Variants in NELL1 observed in about 807,000 individuals in gnomAD.
The protein encoded by NELL1 is protein kinase C-binding protein NELL1.
A neutral mutation model predicts 107.4 loss-of-function variants in NELL1; 76 were observed. That is an observed-to-expected ratio of 0.71 (90% CI 0.59 to 0.86). NELL1 has a LOEUF of 0.86. NELL1 is among the 40% of genes least tolerant of loss of function. The pLI, the probability that NELL1 is intolerant of heterozygous loss-of-function variation, is 0.00. For missense variants in NELL1, 1,024 were observed against 1,005.5 expected (o/e 1.02, Z -0.25); for synonymous variants, 353 against 341.2 (o/e 1.03, Z -0.38).
chr11:21,107,215 A>G (rs750143927), intron 12 of NELL1, among the ~76,000 whole-genome samples: 1 of 152,110 alleles, frequency 6.6e-6, no homozygotes, highest in Non-Finnish European at 1.5e-5. Context: ...TTGGGTTTGG[A>G]CAAATATATA....
intron 9 of NELL1, among the ~76,000 whole-genome samples, chr11:20,931,695 A>C (rs1850622263): frequency 6.6e-6 from 1 of 152,180 alleles, no homozygotes; most frequent in African/African-American, 2.4e-5. Context: ...GGATCATTTA[A>C]TCCATTCACA....
At chr11:21,459,338 G>T (rs777075379) in intron 15 of NELL1, among the ~76,000 whole-genome samples, 5 of 122,844 alleles carry the variant, frequency 4.1e-5, no homozygotes, top group Non-Finnish European at 1.6e-5. Flanking sequence ...TTAATGAAAA[G>T]TTACAGTGTG....
At chr11:20,975,823 TTA>T (rs1310802117) in intron 12 of NELL1, among the ~76,000 whole-genome samples, 2 of 129,424 alleles carry the variant, frequency 1.5e-5, no homozygotes, top group Non-Finnish European at 3.1e-5. Context: ...TATATATGTA[TTA>T]TATATGTACA....
chr11:20,691,921 T>G (rs897297671), intron 2 of NELL1, among the ~76,000 whole-genome samples: 3 of 152,178 alleles, frequency 2.0e-5, no homozygotes, highest in Non-Finnish European at 4.4e-5. Flanking sequence ...TCCTGGACTC[T>G]TTTTGGTTGG....
intron 15 of NELL1, among the ~76,000 whole-genome samples, chr11:21,386,063 A>G (rs1430415524): frequency 1.3e-5 from 2 of 151,952 alleles, no homozygotes; most frequent in East Asian, 3.9e-4. Context: ...TTTCCTTCAT[A>G]AAATGTATTA....
chr11:21,107,186 T>A (rs1590642912), intron 12 of NELL1, among the ~76,000 whole-genome samples: 1 of 152,194 alleles, frequency 6.6e-6, no homozygotes, highest in East Asian at 1.9e-4. Flanking sequence ...TAGGGTTCAC[T>A]CGTGGTGTTG....
At chr11:21,571,722 C>G (rs553716739) in intron 18 of NELL1, among the ~76,000 whole-genome samples, 71 of 151,912 alleles carry the variant, frequency 4.7e-4, no homozygotes, top group African/African-American at 1.7e-3. Context: ...AATTTCTTGA[C>G]CTGGTTCTTT....
At chr11:21,067,603 C>T (rs1043765050) in intron 12 of NELL1, among the ~76,000 whole-genome samples, 5 of 152,078 alleles carry the variant, frequency 3.3e-5, no homozygotes, top group South Asian at 2.1e-4. Context: ...GATGTGTTAA[C>T]GAAGGAGTCT....
At chr11:20,921,848 A>G (rs978606774) in intron 7 of NELL1, among the ~76,000 whole-genome samples, 1 of 138,652 alleles carries the variant, frequency 7.2e-6, no homozygotes, top group Admixed American at 7.6e-5. Context: ...GCTTTTGGCT[A>G]TGAGCTGCTT....
At chr11:20,749,331 G>A (rs138317970) in intron 2 of NELL1, among the ~76,000 whole-genome samples, 238 of 152,232 alleles carry the variant, frequency 1.6e-3, no homozygotes, top group African/African-American at 5.5e-3. Flanking sequence ...TGTGTACTGT[G>A]TCTCACGTCT....
chr11:21,506,374 T>G (rs111722887), intron 15 of NELL1, among the ~76,000 whole-genome samples: 2,788 of 152,286 alleles, frequency 0.018, 85 homozygotes, highest in African/African-American at 0.062. Flanking sequence ...TCATTCATGG[T>G]TGTAATGATG....
At chr11:21,184,408 A>T (rs898578939) in intron 13 of NELL1, among the ~76,000 whole-genome samples, 1 of 151,730 alleles carries the variant, frequency 6.6e-6, no homozygotes, top group African/African-American at 2.4e-5. Flanking sequence ...AGCTGAGATT[A>T]CAGGAAGGTG....
At chr11:21,462,673 G>A (rs1853927871) in intron 15 of NELL1, among the ~76,000 whole-genome samples, 1 of 152,002 alleles carries the variant, frequency 6.6e-6, no homozygotes, top group Non-Finnish European at 1.5e-5. Flanking sequence ...TTGAACCCTT[G>A]TTCATCCTGC....
At chr11:20,795,623 C>A (rs936233892) in intron 3 of NELL1, among the ~76,000 whole-genome samples, 4 of 152,018 alleles carry the variant, frequency 2.6e-5, no homozygotes, top group African/African-American at 9.7e-5. Flanking sequence ...AATGGTAAAT[C>A]TTCTGTTTTT....
At chr11:21,400,011 A>G (rs1039861776) in intron 15 of NELL1, among the ~76,000 whole-genome samples, 2 of 151,812 alleles carry the variant, frequency 1.3e-5, no homozygotes, top group East Asian at 2.0e-4. Flanking sequence ...TGCAAATATA[A>G]AAGATTATTT....
At chr11:20,914,138 A>T (rs986055751) in intron 5 of NELL1, among the ~76,000 whole-genome samples, 1 of 152,124 alleles carries the variant, frequency 6.6e-6, no homozygotes, top group African/African-American at 2.4e-5. Flanking sequence ...AAGTGTCTGG[A>T]TCTGTCTCTA....
At chr11:20,774,616 T>G (rs769628033) in intron 2 of NELL1, among the ~76,000 whole-genome samples, 4 of 152,142 alleles carry the variant, frequency 2.6e-5, no homozygotes, top group Non-Finnish European at 5.9e-5. Flanking sequence ...TTTTAGATCT[T>G]CATGAATAGA....
rs146982019 is a variant in NELL1 at position 20,717,786 on chromosome 11, T to A, written c.184+39726T>A. On this transcript the variant is annotated intron_variant, in intron 2 of 19. Transcript: ENST00000357134. ...ACATATTTTTTTGGTCTCCTTTAAT[T>A]TTTGTCCCCCAGTAAATAATAAATA... is the stretch of plus-strand genomic sequence containing the variant. Among the ~76,000 whole-genome samples, 579 of 152,312 alleles carry A rather than the reference T, an allele frequency of 3.8e-3. 2 individuals carry two copies. Among genetic ancestry groups the A allele is most frequent in the Non-Finnish European group, 6.4e-3 (436 of 68,034 alleles).
Position 20,669,698 on chromosome 11 carries a change from C to T in NELL1, c.-26C>T, listed in dbSNP as rs1203246357. 2.5e-6 allele frequency: 4 copies of T among 1,608,906 alleles called. No individual in the cohort carries two copies. In the Admixed American group the frequency reaches 6.7e-5, roughly 27 times the overall value. ...TGCTTCCACCTAGCTTCGGTGCCCCCTGCTAGGCGGGGACCCTCGAGAGCG... is the reference window on the plus strand; with the variant it reads ...TGCTTCCACCTAGCTTCGGTGCCCCTTGCTAGGCGGGGACCCTCGAGAGCG... On this transcript the variant is annotated 5_prime_UTR_variant, in exon 1 of 20. Coordinates refer to ENST00000357134, the MANE Select transcript of NELL1 (RefSeq NM_006157.5). This position sits in a 1 kb window ranked among gnomAD's most constrained non-coding sequence, Gnocchi z 4.4.
Sources: gnomAD v4.1 joint callset for allele counts (sites outside exome capture counted in the v4.1 genomes callset) on GRCh38, gnomAD v4.1.1 for gene constraint, Gnocchi (gnomAD v3.1) non-coding constraint, MANE v1.5 for transcripts, NCBI Gene and HGNC (gene_info 2026-07-23, HGNC 2026-07-21) for gene names.